EYS: variants seen among roughly 807,000 people sequenced by gnomAD.
EYS encodes the protein EGF-like photoreceptor maintenance factor.
EYS carries 250 observed loss-of-function variants against 282.1 expected under a neutral mutation model. That is an observed-to-expected ratio of 0.89 (90% CI 0.80 to 0.98). EYS has a LOEUF of 0.98. EYS is among the 50% of genes least tolerant of loss of function. EYS has a pLI of 0.00. For synonymous variants in EYS, 1,355 were observed against 1,282.9 expected (o/e 1.06, Z -1.20); for missense variants, 4,016 against 3,709.0 (o/e 1.08, Z -2.15).
At chr6:64,516,361 C>T (rs1339714673) in intron 26 of EYS, among the ~76,000 whole-genome samples, 2 of 151,680 alleles carry the variant, frequency 1.3e-5, no homozygotes, top group African/African-American at 2.4e-5. Flanking sequence ...GGCTTAATAC[C>T]TGGAGGATGA....
intron 26 of EYS, among the ~76,000 whole-genome samples, chr6:64,545,608 A>G (rs1348354045): frequency 1.3e-5 from 2 of 152,212 alleles, no homozygotes; most frequent in Non-Finnish European, 2.9e-5. Context: ...ACATGACTGT[A>G]TATCTAGAAA....
intron 22 of EYS, among the ~76,000 whole-genome samples, chr6:64,679,098 C>T (rs1252863458): frequency 6.6e-6 from 1 of 151,540 alleles, no homozygotes; most frequent in Admixed American, 6.6e-5. Context: ...AAAAGTTACA[C>T]TTTCATTTCT....
At chr6:64,907,727 G>A (rs1233706782) in intron 16 of EYS, among the ~76,000 whole-genome samples, 6 of 151,840 alleles carry the variant, frequency 4.0e-5, no homozygotes, top group Admixed American at 3.3e-4. Context: ...TAAAGAAGGG[G>A]TCTGAATGCC....
chr6:65,383,325 C>A (rs1356173317), intron 8 of EYS, among the ~76,000 whole-genome samples: 2 of 151,628 alleles, frequency 1.3e-5, no homozygotes, highest in South Asian at 2.1e-4. Context: ...TATAATCATA[C>A]TTTATTTCAC....
intron 31 of EYS, among the ~76,000 whole-genome samples, chr6:64,095,968 A>C (rs1176751850): frequency 6.6e-6 from 1 of 152,206 alleles, no homozygotes. Context: ...AAAATCTCTC[A>C]GCATTTGCTT....
chr6:64,498,943 G>A (rs1439311714), intron 26 of EYS, among the ~76,000 whole-genome samples: 1 of 152,110 alleles, frequency 6.6e-6, no homozygotes, highest in Non-Finnish European at 1.5e-5. Context: ...TGTATTTATA[G>A]TAGAATGATT....
chr6:64,130,408 C>T (rs1562216374), intron 31 of EYS, among the ~76,000 whole-genome samples: 1 of 152,092 alleles, frequency 6.6e-6, no homozygotes, highest in African/African-American at 2.4e-5. Context: ...CATGTTCTCA[C>T]TCATAGGTGA....
At chr6:65,360,939 G>A (rs925955088) in intron 8 of EYS, among the ~76,000 whole-genome samples, 5 of 152,046 alleles carry the variant, frequency 3.3e-5, no homozygotes, top group African/African-American at 1.2e-4. Flanking sequence ...AATAGGAAAT[G>A]CAATCTTTTC....
At chr6:64,494,274 G>T (rs1461742092) in intron 26 of EYS, among the ~76,000 whole-genome samples, 1 of 151,524 alleles carries the variant, frequency 6.6e-6, no homozygotes, top group Non-Finnish European at 1.5e-5. Flanking sequence ...AATGCAATCT[G>T]ATTATGGCAC....
At chr6:64,392,435 C>A (rs1331337715) in intron 28 of EYS, among the ~76,000 whole-genome samples, 2 of 150,452 alleles carry the variant, frequency 1.3e-5, no homozygotes, top group Non-Finnish European at 3.0e-5. Flanking sequence ...ATCTCTCAGA[C>A]CACACTGCAA....
intron 11 of EYS, among the ~76,000 whole-genome samples, chr6:65,313,645 T>C (rs1769221681): frequency 6.6e-6 from 1 of 151,944 alleles, no homozygotes; most frequent in South Asian, 2.1e-4. Flanking sequence ...AAATACCCTT[T>C]GTCTCTACCT....
intron 9 of EYS, among the ~76,000 whole-genome samples, chr6:65,344,861 G>A (rs1770335636): frequency 6.6e-6 from 1 of 151,634 alleles, no homozygotes; most frequent in African/African-American, 2.4e-5. Context: ...TAGAAGACCT[G>A]ATCCAATCTT....
rs144236958 is a variant in EYS at position 64,815,808 on chromosome 6, C to T, written c.3244-2231G>A. 4.6e-5 allele frequency among the ~76,000 whole-genome samples: 7 copies of T among 152,086 alleles called. No homozygotes were observed. In the East Asian group the frequency reaches 5.8e-4, roughly 13 times the overall value. On this transcript the variant is annotated intron_variant, in intron 21 of 42. Coordinates refer to ENST00000503581, the MANE Select transcript of EYS (RefSeq NM_001142800.2). The stretch of plus-strand genomic sequence containing the variant: ...TGACCCCAGTGATATATTCATTCAA[C>T]GTGTACTGAAAATATTATGCCAGGA...
At chr6:64,661,140 G>A (rs569575524) in intron 22 of EYS, among the ~76,000 whole-genome samples, 58 of 152,224 alleles carry the variant, frequency 3.8e-4, no homozygotes, top group African/African-American at 1.3e-3. Flanking sequence ...ATGGGGAAAC[G>A]ATTCCCTATT....
At chr6:65,672,298 A>G (rs1768418873) in intron 1 of EYS, among the ~76,000 whole-genome samples, 1 of 152,166 alleles carries the variant, frequency 6.6e-6, no homozygotes, top group Admixed American at 6.6e-5. Context: ...GAGGAGAAAA[A>G]GAAATGAGTG....
At chr6:65,164,952 TTTAAC>T (rs1764937698) in intron 12 of EYS, among the ~76,000 whole-genome samples, 1 of 151,204 alleles carries the variant, frequency 6.6e-6, no homozygotes, top group African/African-American at 2.4e-5. Flanking sequence ...ATGATCTCAT[TTTAAC>T]TTAATTAGTG....
intron 22 of EYS, among the ~76,000 whole-genome samples, chr6:64,718,565 C>T (rs1771471096): frequency 6.6e-6 from 1 of 152,086 alleles, no homozygotes; most frequent in Non-Finnish European, 1.5e-5. Context: ...TTATACACTT[C>T]ACCTCATCTC....
intron 12 of EYS, among the ~76,000 whole-genome samples, chr6:65,135,367 C>T (rs1318949187): frequency 6.6e-6 from 1 of 151,812 alleles, no homozygotes; most frequent in African/African-American, 2.4e-5. Context: ...ATTAATGTCA[C>T]TGAAATTTTT....
intron 26 of EYS, among the ~76,000 whole-genome samples, chr6:64,442,643 T>G (rs1052327110): frequency 1.3e-5 from 2 of 152,128 alleles, no homozygotes; most frequent in Non-Finnish European, 2.9e-5. Context: ...GGATTTGATG[T>G]CCTATGTTCC....
Sources: gnomAD v4.1 joint callset for allele counts (sites outside exome capture counted in the v4.1 genomes callset) on GRCh38, gnomAD v4.1.1 for gene constraint, MANE v1.5 for transcripts, NCBI Gene and HGNC (gene_info 2026-07-23, HGNC 2026-07-21) for gene names.